PLEKHG1: variants seen among roughly 807,000 people sequenced by gnomAD.
The protein encoded by PLEKHG1 is pleckstrin homology and RhoGEF domain containing G1, also known as pleckstrin homology domain-containing family G member 1.
In PLEKHG1, 44 loss-of-function variants were observed where a neutral mutation model predicts 100.8. The ratio of observed to expected loss-of-function variants is 0.44; its 90% CI spans 0.34 to 0.56. PLEKHG1 has a LOEUF of 0.56. PLEKHG1 is among the 20% of genes least tolerant of loss of function. The pLI is 0.01. For synonymous variants in PLEKHG1, 640 were observed against 662.5 expected (o/e 0.97, Z 0.52); for missense variants, 1,545 against 1,720.9 (o/e 0.90, Z 1.81).
chr6:150,618,402 T>C (rs1777152631), intron 1 of PLEKHG1, among the ~76,000 whole-genome samples: 1 of 152,226 alleles, frequency 6.6e-6, no homozygotes, highest in Non-Finnish European at 1.5e-5. Context: ...ATCTGTATTA[T>C]TAACATGTTC....
In PLEKHG1 at chr6:150,670,297, TTC is replaced by T. The variant is rs1348496373; in HGVS notation, c.-99+19512_-99+19513del. On this transcript the variant is annotated intron_variant, in intron 3 of 3. Coordinates refer to the PLEKHG1 transcript ENST00000367326. Reference sequence around the variant, plus strand: ...TTCATAGCCTTCCACTGACCTTTATTTCATTGACTTTATAAGGAATATGTTCT... The same window carrying T: ...TTCATAGCCTTCCACTGACCTTTATTATTGACTTTATAAGGAATATGTTCT... 7.2e-5 allele frequency among the ~76,000 whole-genome samples: 11 copies of T among 152,374 alleles called. No individual in the cohort carries two copies. In the East Asian group the frequency reaches 2.1e-3, roughly 29 times the overall value.
exon 7 of PLEKHG1, chr6:150,804,644 G>C (rs763879697): frequency 6.2e-7 from 1 of 1,612,748 alleles, no homozygotes; most frequent in Non-Finnish European, 8.5e-7. Context: ...GACACAGAAG[G>C]CTATGATGTG....
At position 150,833,200 on chromosome 6, in the gene PLEKHG1, G is replaced by A. The variant is rs186518291; in HGVS notation, c.3094+995G>A. Among the ~76,000 whole-genome samples the A allele has an allele frequency of 2.5e-3, 374 of 151,596 alleles. 4 individuals are homozygous for A. Among genetic ancestry groups the A allele is most frequent in the African/African-American group, 8.7e-3 (358 of 41,300 alleles). On this transcript the variant is annotated intron_variant, in intron 15 of 15. Transcript: ENST00000358517. ...TGGGACTACAGGTGTGTACCACCAC[G>A]CCCCGCTAATTTTTTTGTGTGTGTG...
At chr6:150,753,861 C>G (rs546199863) in intron 2 of PLEKHG1, among the ~76,000 whole-genome samples, 2 of 152,200 alleles carry the variant, frequency 1.3e-5, no homozygotes, top group Non-Finnish European at 2.9e-5. Context: ...CTGTACAGCC[C>G]TCGCCTCTTA....
chr6:150,837,859 C>T (rs1014086201), intron 15 of PLEKHG1, among the ~76,000 whole-genome samples: 2 of 152,198 alleles, frequency 1.3e-5, no homozygotes. Flanking sequence ...GTCTTTACTG[C>T]GCCTTTTATG....
At chr6:150,700,231 C>T (rs374278836) in intron 3 of PLEKHG1, among the ~76,000 whole-genome samples, 31 of 152,182 alleles carry the variant, frequency 2.0e-4, no homozygotes, top group African/African-American at 7.0e-4. Context: ...CGGTGTCTAC[C>T]ATTGATCTGG....
intron 3 of PLEKHG1, among the ~76,000 whole-genome samples, chr6:150,665,219 T>C (rs931441975): frequency 6.6e-6 from 1 of 152,186 alleles, no homozygotes; most frequent in Non-Finnish European, 1.5e-5. Flanking sequence ...AAATAAATTA[T>C]CGCTCTTCTT....
chr6:150,711,762 A>G (rs899671126), intron 3 of PLEKHG1, among the ~76,000 whole-genome samples: 3 of 152,214 alleles, frequency 2.0e-5, no homozygotes, highest in African/African-American at 7.2e-5. Flanking sequence ...GGAACATAGT[A>G]GCTGCTCAAT....
At position 150,770,148 on chromosome 6, in the gene PLEKHG1, C is replaced by T. The variant is rs182150841; in HGVS notation, c.512+1410C>T. Among the ~76,000 whole-genome samples, 192 of 152,230 alleles carry T rather than the reference C, an allele frequency of 1.3e-3. 1 individual carries two copies. The highest frequency in any genetic ancestry group is 4.3e-3 in the African/African-American group (178 of 41,530). On this transcript the variant is annotated intron_variant, in intron 3 of 15. Transcript: ENST00000358517. ...TAAGCCTACGATGCTCTTGATTTTG[C>T]GATAGTGAAATCCCATTATAAAATT...
At chr6:150,646,819 C>T (rs1272558585) in intron 2 of PLEKHG1, among the ~76,000 whole-genome samples, 1 of 152,154 alleles carries the variant, frequency 6.6e-6, no homozygotes, top group East Asian at 1.9e-4. Flanking sequence ...AAAATATTCC[C>T]TTTCTTTTCA....
At chr6:150,715,475 AT>A (rs66661643) in intron 3 of PLEKHG1, among the ~76,000 whole-genome samples, 2 of 145,116 alleles carry the variant, frequency 1.4e-5, no homozygotes, top group African/African-American at 5.1e-5. Flanking sequence ...GTTCATCACT[AT>A]TTTTTTTCTT....
chr6:150,650,905 C>T (rs1272166816), intron 3 of PLEKHG1, 119 bp downstream of exon 2: 3 of 152,074 alleles, frequency 2.0e-5, no homozygotes, highest in Non-Finnish European at 4.4e-5. Context: ...TCACATTTTT[C>T]GATTTTCAAG....
intron 2 of PLEKHG1, among the ~76,000 whole-genome samples, chr6:150,648,179 T>C (rs1778577636): frequency 6.6e-6 from 1 of 152,128 alleles, no homozygotes; most frequent in African/African-American, 2.4e-5. Flanking sequence ...TTTTAAATAA[T>C]TTGTTTTAAA....
chr6:150,781,444 G>A (rs1785304580), intron 3 of PLEKHG1, among the ~76,000 whole-genome samples: 1 of 151,614 alleles, frequency 6.6e-6, no homozygotes. Context: ...AGCGGAGGTT[G>A]CAGTGAGCCG....
intron 1 of PLEKHG1, among the ~76,000 whole-genome samples, chr6:150,620,502 T>C (rs1186363931): frequency 6.6e-6 from 1 of 152,220 alleles, no homozygotes; most frequent in Non-Finnish European, 1.5e-5. Context: ...ATGTAAACAC[T>C]GTCACTCCCT....
At chr6:150,809,168 C>T (rs1355473806) in exon 8 of PLEKHG1, 1 of 1,614,054 alleles carries the variant, frequency 6.2e-7, no homozygotes. Context: ...GGAACTGGTG[C>T]TTGAGGGAAC....
intron 2 of PLEKHG1, among the ~76,000 whole-genome samples, chr6:150,744,118 A>G (rs999758000): frequency 5.3e-5 from 8 of 152,264 alleles, no homozygotes; most frequent in Admixed American, 3.3e-4. Flanking sequence ...TCTGTCGCCC[A>G]GGTTGGAGTG....
rs367941361 is a variant in PLEKHG1, at chr6:150,809,300, G to T, written c.1095+13G>T. 3.1e-5 allele frequency: 50 copies of T among 1,612,152 alleles called. No homozygotes were observed. The highest frequency in any genetic ancestry group is 1.6e-4 in the Middle Eastern group (1 of 6,078). On this transcript the variant is annotated intron_variant, in intron 8 of 15. Coordinates refer to ENST00000358517, the Ensembl canonical transcript of PLEKHG1. The stretch of plus-strand genomic sequence containing the variant: ...AGCTCACATCCTGGTAGGTCTGCAC[G>T]CTGGCCATGGGCAGGGACTCAGATC...
chr6:150,821,599 G>T (rs182697284), intron 13 of PLEKHG1, among the ~76,000 whole-genome samples: 2 of 151,710 alleles, frequency 1.3e-5, no homozygotes, highest in African/African-American at 2.4e-5. Flanking sequence ...CAGGAGAATC[G>T]CCTGAACCTG....
Sources: gnomAD v4.1 joint callset for allele counts (sites outside exome capture counted in the v4.1 genomes callset) on GRCh38, gnomAD v4.1.1 for gene constraint, MANE v1.5 for transcripts, NCBI Gene and HGNC (gene_info 2026-07-23, HGNC 2026-07-21) for gene names.